Variants in APBB2 observed in about 807,000 individuals in gnomAD.
The protein encoded by APBB2 is amyloid beta precursor protein binding family B member 2.
APBB2 carries 38 observed loss-of-function variants against 82.5 expected under a neutral mutation model. The ratio of observed to expected loss-of-function variants is 0.46; its 90% CI spans 0.36 to 0.60. The LOEUF (loss-of-function observed/expected upper bound fraction) is 0.60. Ranked by LOEUF, APBB2 falls within the 20% of genes least tolerant of loss-of-function variation. The pLI is 0.00. For missense variants in APBB2, 772 were observed against 972.3 expected (o/e 0.79, Z 2.74); for synonymous variants, 341 against 368.2 (o/e 0.93, Z 0.85).
In APBB2 at chr4:40,815,789, G is replaced by A. The variant is rs192948194; in HGVS notation, c.*303C>T. The A allele has an allele frequency of 1.8e-3, 528 of 290,494 alleles. 3 individuals carry two copies. The highest frequency in any genetic ancestry group is 1.6e-3 in the Non-Finnish European group (251 of 152,302). The allele number at this position is 290,494 out of a possible 1,614,324, so 18.0% of individuals were successfully genotyped here. On this transcript the variant is annotated 3_prime_UTR_variant, in exon 18 of 18. Transcript: ENST00000508593. ...GCAGCGTTAGTTCACTAGGAGGGGTGGGGCCACACTCTTCTCTGTGTGTGT... is the reference window on the plus strand; with the variant it reads ...GCAGCGTTAGTTCACTAGGAGGGGTAGGGCCACACTCTTCTCTGTGTGTGT...
intron 3 of APBB2, among the ~76,000 whole-genome samples, chr4:41,072,075 C>G (rs1734092608): frequency 6.6e-6 from 1 of 152,090 alleles, no homozygotes; most frequent in Non-Finnish European, 1.5e-5. Context: ...GAAGTTCTCA[C>G]AACAAGGAAA....
rs185939158 is a variant in APBB2, at chr4:40,887,836, C to T, written c.1529+2528G>A. Among the ~76,000 whole-genome samples, 203 of 152,324 alleles carry T rather than the reference C, an allele frequency of 1.3e-3. 1 individual carries two copies. The highest frequency in any genetic ancestry group is 4.7e-3 in the African/African-American group (196 of 41,572). On this transcript the variant is annotated intron_variant, in intron 12 of 17. Transcript: ENST00000508593. ...TCGAAATTACACTCATCTGCTGACA[C>T]TGAGTGAGAATAAGAAGTGATTTAA...
At chr4:41,056,505 C>A (rs1481473240) in intron 4 of APBB2, among the ~76,000 whole-genome samples, 1 of 152,178 alleles carries the variant, frequency 6.6e-6, no homozygotes, top group African/African-American at 2.4e-5. Context: ...CTTTACCAGC[C>A]TTCCCCTCCT....
intron 12 of APBB2, 122 bp from the exon 13 acceptor site, chr4:40,830,699 T>C: frequency 4.9e-6 from 3 of 618,192 alleles, no homozygotes. Context: ...ATGCAATGAT[T>C]AAAAGAAAAA....
chr4:41,145,047 GAA>G (rs1760323801), intron 1 of APBB2, among the ~76,000 whole-genome samples: 1 of 152,242 alleles, frequency 6.6e-6, no homozygotes, highest in Admixed American at 6.5e-5. Context: ...TACAGCCTGG[GAA>G]GTCGGGGCTG....
chr4:41,111,037 G>A (rs1223591443), intron 2 of APBB2, among the ~76,000 whole-genome samples: 1 of 152,114 alleles, frequency 6.6e-6, no homozygotes, highest in Non-Finnish European at 1.5e-5. Context: ...CAGATCATCA[G>A]GCATTAGATT....
chr4:40,906,407 C>T (rs1776709761), intron 10 of APBB2, among the ~76,000 whole-genome samples: 1 of 130,448 alleles, frequency 7.7e-6, no homozygotes, highest in African/African-American at 3.0e-5. Context: ...GCAGAGGCTA[C>T]AGTGAGCTGA....
At position 40,815,229 on chromosome 4, in the gene APBB2, C is replaced by A. The variant is rs929104460; in HGVS notation, c.*863G>T. 2 of 152,596 alleles carry A rather than the reference C, an allele frequency of 1.3e-5. No individual in the cohort carries two copies. The highest frequency in any genetic ancestry group is 2.4e-5 in the African/African-American group (1 of 41,426). The allele number at this position is 152,596 out of a possible 1,614,324, so 9.5% of individuals were successfully genotyped here. ...GAAAGGCTGATGAGGAGTATTTCATCTTAATGTTTATGTAGAGAATGGCCA... is the reference window on the plus strand; with the variant it reads ...GAAAGGCTGATGAGGAGTATTTCATATTAATGTTTATGTAGAGAATGGCCA... On this transcript the variant is annotated 3_prime_UTR_variant, in exon 18 of 18. Transcript: ENST00000508593.
At chr4:40,853,723 C>T (rs1320843875) in intron 12 of APBB2, among the ~76,000 whole-genome samples, 1 of 151,986 alleles carries the variant, frequency 6.6e-6, no homozygotes, top group Non-Finnish European at 1.5e-5. Context: ...TCCCAAAGTG[C>T]TGGGATTACA....
rs529321053 is a variant in APBB2 at position 40,821,449 on chromosome 4, T to G, written c.2112+422A>C. ...AACAGAGTTGTCGGAAGGACTGAGT[T>G]AACAGATATAAATAAAATATATAAG... is the stretch of plus-strand genomic sequence containing the variant. On this transcript the variant is annotated intron_variant, in intron 17 of 17. Transcript: ENST00000508593. Among the ~76,000 whole-genome samples, 3 of 152,322 alleles carry G rather than the reference T, an allele frequency of 2.0e-5. No homozygotes were observed. The South Asian group carries it at 6.2e-4, about 32-fold the overall frequency.
chr4:41,185,064 C>T (rs1447394270), intron 1 of APBB2, among the ~76,000 whole-genome samples: 1 of 152,188 alleles, frequency 6.6e-6, no homozygotes, highest in Non-Finnish European at 1.5e-5. Context: ...AACTTTGTTT[C>T]ATTGTATCCC....
intron 13 of APBB2, among the ~76,000 whole-genome samples, chr4:40,828,760 T>C (rs1228410647): frequency 6.6e-6 from 1 of 152,194 alleles, no homozygotes; most frequent in Non-Finnish European, 1.5e-5. Flanking sequence ...AATGTGAACA[T>C]GGGCGGGAAT....
chr4:41,180,209 A>G (rs1164414975), intron 1 of APBB2, among the ~76,000 whole-genome samples: 2 of 152,214 alleles, frequency 1.3e-5, no homozygotes, highest in Non-Finnish European at 2.9e-5. Context: ...TATCTCTTAC[A>G]AGGACACAAA....
chr4:40,982,408 A>AG (rs1560449657), intron 6 of APBB2, among the ~76,000 whole-genome samples: 1,377 of 91,590 alleles, frequency 0.015, 169 homozygotes, highest in African/African-American at 0.057. Context: ...AAGGAAAGAA[A>AG]GAAAGAAAGA....
At position 40,816,135 on chromosome 4, in the gene APBB2, A is replaced by G. The variant is rs1403213383; in HGVS notation, c.2237T>C (p.Ile746Thr). ...AGGGCGTTTCTGTTTCAAAGTGTCAATGAGGGATAAGACCCCTCGTTTTAC... is the reference window on the plus strand; with the variant it reads ...AGGGCGTTTCTGTTTCAAAGTGTCAGTGAGGGATAAGACCCCTCGTTTTAC... ...TNVKRGVLSLIDTLKQKRPVT... is the reference protein window; with the variant it reads ...TNVKRGVLSLTDTLKQKRPVT... The change falls in exon 18 of 18, where the codon ATT (isoleucine) becomes ACT (threonine). Residue 746 changes from isoleucine (I) to threonine (T), a missense_variant. Transcript: ENST00000508593. The G allele has an allele frequency of 1.5e-5, 25 of 1,614,024 alleles. No individual in the cohort carries two copies. The highest frequency in any genetic ancestry group is 4.5e-5 in the East Asian group (2 of 44,898).
chr4:40,903,558 T>C (rs1235372302), intron 10 of APBB2, among the ~76,000 whole-genome samples: 1 of 152,200 alleles, frequency 6.6e-6, no homozygotes, highest in East Asian at 1.9e-4. Context: ...AAGGGCCTCT[T>C]ACAGAGATGG....
intron 1 of APBB2, among the ~76,000 whole-genome samples, chr4:41,188,524 T>C (rs1773548347): frequency 6.6e-6 from 1 of 152,200 alleles, no homozygotes; most frequent in Admixed American, 6.5e-5. Flanking sequence ...TTTTCTGCCA[T>C]GTGAGGACAC....
intron 12 of APBB2, among the ~76,000 whole-genome samples, chr4:40,886,499 C>A (rs538902719): frequency 0.01 from 1,568 of 151,180 alleles, 35 homozygotes; most frequent in African/African-American, 0.036. Flanking sequence ...AAAAAAAAAA[C>A]AAAAGAAATT....
chr4:41,206,524 G>A (rs1777972561), intron 1 of APBB2, among the ~76,000 whole-genome samples: 1 of 152,208 alleles, frequency 6.6e-6, no homozygotes, highest in Non-Finnish European at 1.5e-5. Context: ...CCTGGAAAAG[G>A]TATACACAGA....
Sources: gnomAD v4.1 joint callset for allele counts (sites outside exome capture counted in the v4.1 genomes callset) on GRCh38, gnomAD v4.1.1 for gene constraint, MANE v1.5 for transcripts, NCBI Gene and HGNC (gene_info 2026-07-23, HGNC 2026-07-21) for gene names.